The following RIPOR2 variants were observed in gnomAD, a reference collection of about 807,000 sequenced individuals.
The protein encoded by RIPOR2 is RHO family interacting cell polarization regulator 2.
Under a neutral mutation model 114.5 loss-of-function variants are expected in RIPOR2, and 39 were observed. The ratio of observed to expected loss-of-function variants is 0.34; its 90% confidence interval spans 0.26 to 0.44. The LOEUF (loss-of-function observed/expected upper bound fraction) is 0.44. Among genes scored for constraint, RIPOR2 ranks in the 20% least tolerant of loss-of-function variants. The probability of loss-of-function intolerance (pLI) is 1.00; values close to 1 mark genes in which losing one functional copy is unlikely to be tolerated. For missense variants in RIPOR2, 1,007 were observed against 1,255.1 expected (o/e 0.80, Z 2.99); for synonymous variants, 445 against 484.4 (o/e 0.92, Z 1.07).
intron 4 of RIPOR2, among the ~76,000 whole-genome samples, chr6:24,871,785 C>T (rs539140220): frequency 6.6e-6 from 1 of 152,186 alleles, no homozygotes; most frequent in African/African-American, 2.4e-5. Context: ...AGGATTTTTA[C>T]GGAACATGAG....
At chr6:25,029,994 C>T (rs1335731793) in intron 1 of RIPOR2, among the ~76,000 whole-genome samples, 1 of 152,026 alleles carries the variant, frequency 6.6e-6, no homozygotes, top group African/African-American at 2.4e-5. Context: ...AGCCAGAAAG[C>T]TCTTCAAACC....
At chr6:24,985,602 G>A (rs1473899844) in intron 1 of RIPOR2, among the ~76,000 whole-genome samples, 1 of 152,144 alleles carries the variant, frequency 6.6e-6, no homozygotes, top group African/African-American at 2.4e-5. Flanking sequence ...GACATTGACA[G>A]GATGAATTTC....
intron 8 of RIPOR2, among the ~76,000 whole-genome samples, chr6:24,857,729 CCCT>C (rs1763622723): frequency 6.6e-6 from 1 of 152,166 alleles, no homozygotes; most frequent in African/African-American, 2.4e-5. Context: ...GGTTGACCTG[CCCT>C]GGAAACTGTA....
chr6:24,971,576 T>C (rs1773789509), intron 1 of RIPOR2, among the ~76,000 whole-genome samples: 2 of 152,246 alleles, frequency 1.3e-5, no homozygotes, highest in African/African-American at 2.4e-5. Context: ...GCGTGGTTAA[T>C]AGAAAGCCCA....
chr6:24,954,329 G>A (rs1437904518), intron 1 of RIPOR2, among the ~76,000 whole-genome samples: 4 of 152,174 alleles, frequency 2.6e-5, no homozygotes, highest in Non-Finnish European at 4.4e-5. Flanking sequence ...GACTTTAGAA[G>A]GGAGAACTCC....
chr6:25,012,511 G>A (rs1249086173), intron 1 of RIPOR2, among the ~76,000 whole-genome samples: 1 of 152,204 alleles, frequency 6.6e-6, no homozygotes, highest in Non-Finnish European at 1.5e-5. Context: ...ACATGATGTG[G>A]TTTATCCATA....
chr6:25,022,744 C>T (rs1323683562), intron 1 of RIPOR2, among the ~76,000 whole-genome samples: 1 of 151,646 alleles, frequency 6.6e-6, no homozygotes, highest in Non-Finnish European at 1.5e-5. Context: ...TAGAGTCCCA[C>T]TATGTTGTCC....
intron 1 of RIPOR2, among the ~76,000 whole-genome samples, chr6:25,033,664 C>T (rs1396667714): frequency 6.6e-6 from 1 of 152,030 alleles, no homozygotes; most frequent in Non-Finnish European, 1.5e-5. Context: ...TCTTTTTTGT[C>T]TTCACTCATT....
At chr6:24,980,620 G>A (rs1039747785) in intron 1 of RIPOR2, among the ~76,000 whole-genome samples, 1 of 152,322 alleles carries the variant, frequency 6.6e-6, no homozygotes, top group African/African-American at 2.4e-5. Flanking sequence ...TGTGAATGAG[G>A]AGTCATGTGT....
intron 13 of RIPOR2, among the ~76,000 whole-genome samples, chr6:24,841,005 A>G (rs1761663736): frequency 6.6e-6 from 1 of 152,208 alleles, no homozygotes; most frequent in Admixed American, 6.5e-5. Flanking sequence ...GTGTTTAAAT[A>G]TTGGTCATGA....
chr6:25,007,767 C>A (rs1457259273), intron 1 of RIPOR2, among the ~76,000 whole-genome samples: 1 of 151,968 alleles, frequency 6.6e-6, no homozygotes, highest in Non-Finnish European at 1.5e-5. Context: ...TACATCCATG[C>A]CCAGGCTTTT....
chr6:24,894,417 G>C (rs1327217871), intron 1 of RIPOR2, among the ~76,000 whole-genome samples: 1 of 152,168 alleles, frequency 6.6e-6, no homozygotes, highest in African/African-American at 2.4e-5. Flanking sequence ...ACTGGAATGA[G>C]GGTTTCTACC....
At chr6:25,012,141 T>C (rs1159292082) in intron 1 of RIPOR2, among the ~76,000 whole-genome samples, 2 of 152,100 alleles carry the variant, frequency 1.3e-5, no homozygotes, top group Non-Finnish European at 2.9e-5. Context: ...ATACTCAGAG[T>C]CATATGTCAT....
At chr6:24,855,807 T>C (rs1288757798) in intron 8 of RIPOR2, among the ~76,000 whole-genome samples, 1 of 152,104 alleles carries the variant, frequency 6.6e-6, no homozygotes, top group Non-Finnish European at 1.5e-5. Flanking sequence ...GCCAAGGCAG[T>C]AGGATCACTT....
At chr6:24,847,615 T>C (rs1252582550) in intron 12 of RIPOR2, 1 of 1,551,516 alleles carries the variant, frequency 6.4e-7, no homozygotes, top group Admixed American at 2.0e-5. Context: ...GCGGTGCAGC[T>C]TGGCAAAGAA....
chr6:24,879,414 G>A (rs114708553), intron 1 of RIPOR2, among the ~76,000 whole-genome samples: 708 of 152,320 alleles, frequency 4.6e-3, no homozygotes, highest in Non-Finnish European at 7.6e-3. Context: ...AATGTGACTA[G>A]AGTGAGCAGT....
intron 1 of RIPOR2, among the ~76,000 whole-genome samples, chr6:24,932,369 G>C (rs1771466683): frequency 6.6e-6 from 1 of 151,852 alleles, no homozygotes; most frequent in Non-Finnish European, 1.5e-5. Context: ...AGAGAGAGAA[G>C]AAACAGATGG....
chr6:25,026,199 G>A (rs992746018), intron 1 of RIPOR2, among the ~76,000 whole-genome samples: 2 of 152,138 alleles, frequency 1.3e-5, no homozygotes, highest in Admixed American at 6.5e-5. Flanking sequence ...TTTCTGTACT[G>A]CATGATTAAT....
At chr6:24,833,285 G>A (rs970098998) in intron 15 of RIPOR2, among the ~76,000 whole-genome samples, 6 of 151,984 alleles carry the variant, frequency 3.9e-5, no homozygotes, top group African/African-American at 1.5e-4. Context: ...GGCAGATCAC[G>A]AGGTCAGGAG....
Sources: gnomAD v4.1 joint callset for allele counts (sites outside exome capture counted in the v4.1 genomes callset) on GRCh38, gnomAD v4.1.1 for gene constraint, MANE v1.5 for transcripts, NCBI Gene and HGNC (gene_info 2026-07-23, HGNC 2026-07-21) for gene names.